The following SOX5 variants were observed in gnomAD, a reference collection of about 807,000 sequenced individuals.
SOX5 encodes the protein transcription factor SOX-5.
A neutral mutation model predicts 92.0 loss-of-function variants in SOX5; 9 were observed. That is an observed-to-expected ratio of 0.10 (90% CI 0.06 to 0.17). The LOEUF is 0.17. Ranked by LOEUF, SOX5 falls within the 10% of genes least tolerant of loss-of-function variation. The pLI, the probability that SOX5 is intolerant of heterozygous loss-of-function variation, is 1.00. For missense variants in SOX5, 642 were observed against 944.5 expected (o/e 0.68, Z 4.20); for synonymous variants, 344 against 336.3 (o/e 1.02, Z -0.25).
chr12:24,089,734 A>T (rs1944420617), intron 4 of SOX5, among the ~76,000 whole-genome samples: 1 of 152,160 alleles, frequency 6.6e-6, no homozygotes, highest in South Asian at 2.1e-4. Context: ...AGATTGCCAT[A>T]GAGATTCCTA....
At chr12:23,753,588 T>G (rs1204366033) in intron 4 of SOX5, among the ~76,000 whole-genome samples, 2 of 151,820 alleles carry the variant, frequency 1.3e-5, no homozygotes, top group Non-Finnish European at 2.9e-5. Context: ...AAAAGATTAC[T>G]TATTGTTCCC....
At chr12:23,738,144 G>T (rs1409282879) in intron 5 of SOX5, among the ~76,000 whole-genome samples, 1 of 152,162 alleles carries the variant, frequency 6.6e-6, no homozygotes, top group Non-Finnish European at 1.5e-5. Flanking sequence ...GATGAATGTG[G>T]AATGGAGCTC....
rs377253421 is a variant in SOX5, at chr12:24,128,624, T to C, written c.-2+84719A>G. 3.3e-5 allele frequency among the ~76,000 whole-genome samples: 5 copies of C among 152,154 alleles called. No individual in the cohort carries two copies. In the East Asian group the frequency reaches 9.6e-4, roughly 29 times the overall value. ...GTGGGAACAGTGTATGCAAAGGCCC[T>C]GATTTGGGGACAGCTTTCGGCATGT... On this transcript the variant is annotated intron_variant, in intron 4 of 4. Transcript: ENST00000446891.
At chr12:23,793,624 T>C (rs1324804239) in intron 3 of SOX5, among the ~76,000 whole-genome samples, 4 of 152,326 alleles carry the variant, frequency 2.6e-5, no homozygotes, top group Admixed American at 6.5e-5. Context: ...AAGATCATGT[T>C]GTGTGAAGAT....
chr12:23,607,114 T>C (rs976785903), intron 8 of SOX5, among the ~76,000 whole-genome samples: 3 of 152,196 alleles, frequency 2.0e-5, no homozygotes, highest in African/African-American at 4.8e-5. Context: ...TTAGAATTAC[T>C]CTTCTCCAAC....
At chr12:23,872,122 C>A (rs12828053) in intron 2 of SOX5, among the ~76,000 whole-genome samples, 1 of 149,474 alleles carries the variant, frequency 6.7e-6, no homozygotes, top group Non-Finnish European at 1.5e-5. Flanking sequence ...CTCAGCCTCC[C>A]GAGTAGCTGG....
intron 6 of SOX5, among the ~76,000 whole-genome samples, chr12:23,713,815 G>A (rs1017576210): frequency 6.7e-6 from 1 of 150,182 alleles, no homozygotes. Context: ...ATTATTGGCT[G>A]GGCATGGTGG....
At chr12:24,161,721 C>G (rs1475446265) in intron 4 of SOX5, among the ~76,000 whole-genome samples, 1 of 151,928 alleles carries the variant, frequency 6.6e-6, no homozygotes, top group Non-Finnish European at 1.5e-5. Flanking sequence ...AAATTGTCAT[C>G]CATAAAACTG....
chr12:23,643,416 T>C (rs1045122704), intron 7 of SOX5, among the ~76,000 whole-genome samples: 5 of 152,206 alleles, frequency 3.3e-5, no homozygotes, highest in African/African-American at 4.8e-5. Flanking sequence ...GATATCCAGG[T>C]TGAGGTATTT....
At position 23,570,931 on chromosome 12, in the gene SOX5, ATATATATATATATAT is replaced by A. The variant is rs1389675145; in HGVS notation, c.1342+4715_1342+4729del. Among the ~76,000 whole-genome samples, 133 of 16,762 alleles carry A rather than the reference ATATATATATATATAT, an allele frequency of 7.9e-3. 14 individuals are homozygous for A. The highest frequency in any genetic ancestry group is 0.026 in the African/African-American group (68 of 2,574). The allele number at this position is 16,762 out of a possible 152,430, so 11.0% of individuals were successfully genotyped here. On this transcript the variant is annotated intron_variant, in intron 10 of 14. Coordinates refer to ENST00000451604, the MANE Select transcript of SOX5 (RefSeq NM_006940.6). ...AACTCAAAAAAAAAAAAAAAAAAAAATATATATATATATATATATATATATATATATATATATATA... is the reference window on the plus strand; with the variant it reads ...AACTCAAAAAAAAAAAAAAAAAAAAAATATATATATATATATATATATATA...
intron 4 of SOX5, among the ~76,000 whole-genome samples, chr12:24,182,898 G>T (rs1451831141): frequency 3.3e-5 from 5 of 152,082 alleles, no homozygotes; most frequent in Admixed American, 3.3e-4. Context: ...ATTTTTACTA[G>T]ATATGGGGTT....
intron 3 of SOX5, among the ~76,000 whole-genome samples, chr12:24,274,635 C>T (rs1343350803): frequency 1.4e-5 from 2 of 146,102 alleles, no homozygotes; most frequent in Non-Finnish European, 3.0e-5. Context: ...GTGTCTCTTA[C>T]AAGTTCAAAG....
chr12:23,809,824 T>C (rs959520331), intron 3 of SOX5, among the ~76,000 whole-genome samples: 1 of 150,402 alleles, frequency 6.6e-6, no homozygotes, highest in Non-Finnish European at 1.5e-5. Context: ...CTCCAATTGA[T>C]AACAGACTGA....
At chr12:23,543,501 G>A (rs1236612299) in intron 12 of SOX5, 117 bp from the exon 13 acceptor site, 10 of 705,978 alleles carry the variant, frequency 1.4e-5, no homozygotes, top group African/African-American at 5.3e-5. Flanking sequence ...TTCTGATAAT[G>A]GTACTTCCAG....
At chr12:24,282,382 TA>T (rs1945316220) in intron 2 of SOX5, among the ~76,000 whole-genome samples, 1 of 148,258 alleles carries the variant, frequency 6.7e-6, no homozygotes, top group African/African-American at 2.5e-5. Flanking sequence ...AAATAAAAAT[TA>T]AAAAATAAAT....
chr12:24,336,133 C>T, intron 2 of SOX5, among the ~76,000 whole-genome samples: 1 of 151,202 alleles, frequency 6.6e-6, no homozygotes. Flanking sequence ...CTCGCTCTGT[C>T]ACCCAGGCTG....
intron 1 of SOX5, among the ~76,000 whole-genome samples, chr12:23,923,161 G>A (rs999787585): frequency 6.6e-6 from 1 of 152,176 alleles, no homozygotes; most frequent in Non-Finnish European, 1.5e-5. Context: ...TAGCCAGGAT[G>A]GTCTCAATCT....
chr12:24,016,201 T>C (rs1333418212), intron 4 of SOX5, among the ~76,000 whole-genome samples: 1 of 152,124 alleles, frequency 6.6e-6, no homozygotes, highest in South Asian at 2.1e-4. Context: ...GTGCCTTGTC[T>C]GAATCAAGAT....
chr12:24,260,446 G>C (rs908781605), intron 3 of SOX5, among the ~76,000 whole-genome samples: 1 of 152,186 alleles, frequency 6.6e-6, no homozygotes, highest in Non-Finnish European at 1.5e-5. Context: ...AGCACACAGT[G>C]AGCATGTAAT....
Sources: gnomAD v4.1 joint callset for allele counts (sites outside exome capture counted in the v4.1 genomes callset) on GRCh38, gnomAD v4.1.1 for gene constraint, MANE v1.5 for transcripts, NCBI Gene and HGNC (gene_info 2026-07-23, HGNC 2026-07-21) for gene names.